Variants in GAREM2 observed in about 807,000 individuals in gnomAD.
GAREM2 encodes GRB2 associated regulator of MAPK1 subtype 2, also known as GRB2-associated and regulator of MAPK protein 2.
Under a neutral mutation model 55.6 loss-of-function variants are expected in GAREM2, and 30 were observed. The observed-to-expected ratio is 0.54, with a 90% CI of 0.40 to 0.73. The LOEUF is 0.73. Ranked by LOEUF, GAREM2 falls within the 30% of genes least tolerant of loss-of-function variation. The pLI is 0.00. For synonymous variants in GAREM2, 550 were observed against 569.1 expected (o/e 0.97, Z 0.48); for missense variants, 1,075 against 1,257.7 (o/e 0.85, Z 2.20).
At chr2:26,194,576 G>A (rs372266559), downstream of GAREM2, 1 of 1,601,770 alleles carries the variant, frequency 6.2e-7, no homozygotes, top group Non-Finnish European at 8.6e-7. Flanking sequence ...CAACCTGGAG[G>A]ATTCGGATGA....
intron 2 of GAREM2, among the ~76,000 whole-genome samples, chr2:26,180,179 C>G (rs1362668715): frequency 2.6e-5 from 4 of 152,176 alleles, no homozygotes; most frequent in Non-Finnish European, 4.4e-5. Flanking sequence ...GTTCTGGGCT[C>G]TCATTTCTCT....
intron 1 of GAREM2, among the ~76,000 whole-genome samples, chr2:26,175,631 C>G (rs970084852): frequency 6.6e-6 from 1 of 152,110 alleles, no homozygotes; most frequent in African/African-American, 2.4e-5. Context: ...CTCCCCCCCT[C>G]TCCTTCGAGG....
At chr2:26,203,608 T>C in the GAREM2 span, among the ~76,000 whole-genome samples, 71 of 152,332 alleles carry the variant, frequency 4.7e-4, no homozygotes, top group African/African-American at 1.6e-3. Flanking sequence ...CGGCCCTGCC[T>C]TCCCCCTGCA....
At chr2:26,184,154 C>A in intron 3 of GAREM2, 79 bp from the exon 4 acceptor site, 1 of 1,521,728 alleles carries the variant, frequency 6.6e-7, no homozygotes, top group East Asian at 2.6e-5. Context: ...GCTGTTTTCC[C>A]TTTCCAGTCT....
chr2:26,185,016 C>G lies in GAREM2; in HGVS notation c.1168C>G (p.Leu390Val). The stretch of plus-strand genomic sequence containing the variant: ...CCTGCCCGCGCCGCGCGCCCCCGGG[C>G]TCGCCCGCGCCCCCGGCCCGCTAGC... ...LCLPAPRAPG[L>V]ARAPGPLAPA... The change falls in exon 4 of 6, where the codon CTC (leucine) becomes GTC (valine). Residue 390 changes from leucine (L) to valine (V), a missense_variant. By Grantham distance (32) the Leu-to-Val change is conservative (BLOSUM62 1). This residue lies in a region of GAREM2 where 515 missense variants were observed against 501.5 expected (regional missense o/e 1.03). Transcript: ENST00000401533. The G allele has an allele frequency of 9.0e-7, 1 of 1,107,566 alleles. No individual in the cohort carries two copies. Among genetic ancestry groups the G allele is most frequent in the Non-Finnish European group, 1.1e-6 (1 of 909,374 alleles). 68.6% of individuals were successfully genotyped at this position (1,107,566 alleles called of 1,614,324 possible).
Position 26,179,795 on chromosome 2 carries a change from G to T in GAREM2, c.254-3172G>T, listed in dbSNP as rs1668984630. The stretch of plus-strand genomic sequence containing the variant: ...GCTGCCGCGGAGGGGGATGGTGCTG[G>T]ATGCCATGGTTACATCGATCTTTCC... On this transcript the variant is annotated intron_variant, in intron 2 of 5. Coordinates refer to ENST00000401533, the MANE Select transcript of GAREM2 (RefSeq NM_001168241.2). The surrounding 1 kb of genome is among the most constrained non-coding windows in gnomAD (Gnocchi z 4.7). Among the ~76,000 whole-genome samples, 1 of 152,110 alleles carries T rather than the reference G, an allele frequency of 6.6e-6. No individual in the cohort carries two copies.
At chr2:26,191,437 G>T (rs766306913), downstream of GAREM2, 1 of 1,614,122 alleles carries the variant, frequency 6.2e-7, no homozygotes. Flanking sequence ...GACGCAACAC[G>T]GGCTCCAGGC....
At chr2:26,199,080 TAA>T in the GAREM2 span, among the ~76,000 whole-genome samples, 1 of 152,066 alleles carries the variant, frequency 6.6e-6, no homozygotes, top group Non-Finnish European at 1.5e-5. Context: ...TAGTTTTTAG[TAA>T]AGACAGGGTT....
intron 2 of GAREM2, chr2:26,180,989 C>A: frequency 1.0e-6 from 1 of 985,274 alleles, no homozygotes; most frequent in African/African-American, 1.8e-5. Flanking sequence ...CCACCTCCCC[C>A]TTCTTCTGTC....
rs879097537 is a variant in GAREM2 at position 26,188,063 on chromosome 2, C to T, written c.2431C>T (p.Leu811=). Residue 811 remains leucine (L), a synonymous_variant, in exon 6 of 6, where the codon CTG becomes TTG. Coordinates refer to ENST00000401533, the MANE Select transcript of GAREM2 (RefSeq NM_001168241.2). ...CCCTGCTGACCTGTCTGCACTCTCCCTGGAGGAGGTCTCTCGCAGTCTGCG... is the reference window on the plus strand; with the variant it reads ...CCCTGCTGACCTGTCTGCACTCTCCTTGGAGGAGGTCTCTCGCAGTCTGCG... The part of the protein sequence containing the change: ...QPPADLSALS[L]EEVSRSLRFI... 4.1e-5 allele frequency: 64 copies of T among 1,544,568 alleles called. No homozygotes were observed. The Admixed American group carries it at 7.1e-4, about 17-fold the overall frequency.
Position 26,182,445 on chromosome 2 carries a change from C to T in GAREM2, c.254-522C>T, listed in dbSNP as rs758587624. 3 of 1,550,522 alleles carry T rather than the reference C, an allele frequency of 1.9e-6. No homozygotes were observed. The South Asian group carries it at 3.6e-5, about 18-fold the overall frequency. On this transcript the variant is annotated intron_variant, in intron 2 of 5. Coordinates refer to ENST00000401533, the MANE Select transcript of GAREM2 (RefSeq NM_001168241.2). ...CAGGCCCTGGTTGGCCCAGTGCCAC[C>T]TCCATGCGGATCAGCAGCCCAGGGC...
intron 1 of GAREM2, among the ~76,000 whole-genome samples, chr2:26,175,627 C>G (rs1452407425): frequency 6.6e-6 from 1 of 152,144 alleles, no homozygotes; most frequent in Non-Finnish European, 1.5e-5. Flanking sequence ...GGGACTCCCC[C>G]CCTCTCCTTC....
At chr2:26,182,475 C>T in intron 2 of GAREM2, 4 of 1,550,544 alleles carry the variant, frequency 2.6e-6, no homozygotes, top group Non-Finnish European at 3.5e-6. Flanking sequence ...CAGGGCGATG[C>T]ACAGGATGCC....
At position 26,187,913 on chromosome 2, in the gene GAREM2, G is replaced by A; in HGVS notation, c.2281G>A (p.Ala761Thr). 1.4e-6 allele frequency: 2 copies of A among 1,447,606 alleles called. No homozygotes were observed. The highest frequency in any genetic ancestry group is 1.8e-6 in the Non-Finnish European group (2 of 1,096,098). 89.7% of individuals were successfully genotyped at this position (1,447,606 alleles called of 1,614,324 possible). A position where few individuals can be genotyped will look rare whatever the true frequency, so the allele number is the denominator to read the frequency against. The change falls in exon 6 of 6, where the codon GCT becomes ACT. Residue 761 changes from alanine (A) to threonine (T), a missense_variant. By Grantham distance (58) the Ala-to-Thr change is moderately conservative (BLOSUM62 0). This residue lies in a region of GAREM2 where 142 missense variants were observed against 172.3 expected (regional missense o/e 0.82). Coordinates refer to ENST00000401533, the MANE Select transcript of GAREM2 (RefSeq NM_001168241.2). ...HQVPTPLSPA[A>T]LQGPEAGGAL... ...GGTCCCCACCCCACTGTCACCAGCT[G>A]CTCTGCAGGGACCCGAGGCGGGAGG...
At position 26,187,671 on chromosome 2, in the gene GAREM2, C is replaced by G. The variant is rs544952908; in HGVS notation, c.2039C>G (p.Pro680Arg). ...SPGQAYSAAP[P>R]SSCAPSSSSS... ...GGCCAGGCCTATTCAGCTGCTCCCC[C>G]CTCCTCCTGCGCCCCCTCCTCCTCC... is the stretch of plus-strand genomic sequence containing the variant. Residue 680 changes from proline (P) to arginine (R), a missense_variant, in exon 6 of 6, where the codon CCC becomes CGC. Pro to Arg is a moderately radical substitution (Grantham distance 103). Around this residue, in one of 6 missense-constraint regions of GAREM2, gnomAD observed 515 missense variants for 501.5 expected, o/e 1.03. Transcript: ENST00000401533. 37 of 1,517,586 alleles carry G rather than the reference C, an allele frequency of 2.4e-5. No individual in the cohort carries two copies. The highest frequency in any genetic ancestry group is 1.7e-4 in the Middle Eastern group (1 of 5,838). 94.0% of individuals were successfully genotyped at this position (1,517,586 alleles called of 1,614,324 possible).
intron 1 of GAREM2, among the ~76,000 whole-genome samples, chr2:26,176,122 C>A (rs569772023): frequency 6.6e-6 from 1 of 152,266 alleles, no homozygotes; most frequent in East Asian, 1.9e-4. Flanking sequence ...CGAGGGGCCC[C>A]GTCGGGAGTC....
chr2:26,176,245 G>C, intron 1 of GAREM2, 99 bp from the exon 2 acceptor site: 6 of 1,192,444 alleles, frequency 5.0e-6, no homozygotes, highest in East Asian at 2.9e-5. Context: ...TGTCCCTCAG[G>C]GGGGCGGTCT....
chr2:26,185,043 C>A lies in GAREM2; in HGVS notation c.1195C>A (p.Pro399Thr). Residue 399 changes from proline (P) to threonine (T), a missense_variant, in exon 4 of 6, where the codon CCG becomes ACG. Physicochemically the swap from Pro to Thr is conservative, Grantham distance 38 (BLOSUM62 -1). Around this residue, in one of 6 missense-constraint regions of GAREM2, gnomAD observed 515 missense variants for 501.5 expected, o/e 1.03. Transcript: ENST00000401533. The part of the protein sequence containing the change: ...GLARAPGPLA[P>T]APAGEGDQEY... ...CGCCCGCGCCCCCGGCCCGCTAGCG[C>A]CGGCTCCCGCCGGCGAGGGCGACCA... is the stretch of plus-strand genomic sequence containing the variant. The A allele has an allele frequency of 8.3e-7, 1 of 1,203,442 alleles. No homozygotes were observed. Among genetic ancestry groups the A allele is most frequent in the Non-Finnish European group, 1.0e-6 (1 of 969,206 alleles). 74.5% of individuals were successfully genotyped at this position (1,203,442 alleles called of 1,614,324 possible). A position where few individuals can be genotyped will look rare whatever the true frequency, so the allele number is the denominator to read the frequency against.
downstream of GAREM2, chr2:26,193,501 G>T: frequency 8.2e-7 from 1 of 1,218,680 alleles, no homozygotes; most frequent in Non-Finnish European, 1.2e-6. Flanking sequence ...GAGGGCTTCT[G>T]TAACTCTTTG....
Sources: gnomAD v4.1 joint callset for allele counts (sites outside exome capture counted in the v4.1 genomes callset) on GRCh38, gnomAD v4.1.1 for gene constraint, gnomAD v4.1.1 regional missense constraint, Gnocchi (gnomAD v3.1) non-coding constraint, MANE v1.5 for transcripts, NCBI Gene and HGNC (gene_info 2026-07-23, HGNC 2026-07-21) for gene names.